Variants in RGS6 observed in about 807,000 individuals in gnomAD.
The protein encoded by RGS6 is regulator of G-protein signaling 6.
RGS6 carries 30 observed loss-of-function variants against 78.5 expected under a neutral mutation model. That is an observed-to-expected ratio of 0.38 (90% confidence interval 0.29 to 0.52). The LOEUF (loss-of-function observed/expected upper bound fraction) is 0.52, where lower values mean the gene tolerates loss of function less well. Ranked by LOEUF, RGS6 falls within the 20% of genes least tolerant of loss-of-function variation. RGS6 has a pLI of 0.85. For missense variants in RGS6, 495 were observed against 609.7 expected, an observed-to-expected ratio of 0.81 and a Z score of 1.98; for synonymous variants, 206 against 206.0, an observed-to-expected ratio of 1.00 and a Z score of 0.00.
At chr14:72,589,967 T>A in the RGS6 span, among the ~76,000 whole-genome samples, 2 of 151,864 alleles carry the variant, frequency 1.3e-5, no homozygotes, top group African/African-American at 2.4e-5. Flanking sequence ...ATAACCTAAT[T>A]AAAAAGTGGC....
intron 17 of RGS6, among the ~76,000 whole-genome samples, chr14:72,560,992 A>G (rs536064626): frequency 3.3e-5 from 5 of 152,280 alleles, no homozygotes; most frequent in African/African-American, 1.2e-4. Context: ...ACTCCCATCT[A>G]TAGCACCAGA....
chr14:72,487,957 G>T (rs1353293521), intron 12 of RGS6, among the ~76,000 whole-genome samples: 5 of 152,126 alleles, frequency 3.3e-5, no homozygotes, highest in African/African-American at 1.2e-4. Flanking sequence ...GCACCCCGCT[G>T]ACTAGGAGTG....
chr14:71,949,867 G>T (rs981117960), intron 1 of RGS6, among the ~76,000 whole-genome samples: 7 of 151,012 alleles, frequency 4.6e-5, no homozygotes. Context: ...TGTGATAAAG[G>T]CATCCGTATT....
chr14:72,399,291 C>T (rs1010390812), intron 3 of RGS6, among the ~76,000 whole-genome samples: 15 of 152,096 alleles, frequency 9.9e-5, no homozygotes, highest in African/African-American at 3.6e-4. Context: ...ATGTAATGGC[C>T]TTCTTTGTCT....
intron 2 of RGS6, among the ~76,000 whole-genome samples, chr14:72,117,680 G>A (rs1268329141): frequency 2.6e-5 from 4 of 152,342 alleles, no homozygotes; most frequent in Non-Finnish European, 4.4e-5. Context: ...TTGTGCATGG[G>A]TCATGGTGCA....
chr14:72,086,449 C>A (rs540653732), intron 2 of RGS6, among the ~76,000 whole-genome samples: 4 of 152,326 alleles, frequency 2.6e-5, no homozygotes, highest in African/African-American at 9.6e-5. Flanking sequence ...TTTTGTAATA[C>A]TATGCAACCT....
intron 2 of RGS6, among the ~76,000 whole-genome samples, chr14:71,970,191 C>T (rs1367983856): frequency 6.6e-6 from 1 of 152,154 alleles, no homozygotes; most frequent in African/African-American, 2.4e-5. Context: ...CAACACTGTA[C>T]ATTGCCAGTA....
chr14:72,178,109 G>C (rs1233910132), intron 2 of RGS6, among the ~76,000 whole-genome samples: 1 of 152,224 alleles, frequency 6.6e-6, no homozygotes, highest in African/African-American at 2.4e-5. Context: ...CTGAAAACCA[G>C]ATCTCAGGAT....
chr14:72,427,239 T>C (rs1183682598), intron 3 of RGS6, among the ~76,000 whole-genome samples: 2 of 152,272 alleles, frequency 1.3e-5, no homozygotes, highest in East Asian at 3.8e-4. Context: ...ATAACTTTTC[T>C]TACAGTATAT....
At chr14:72,499,434 T>C (rs1208235217) in intron 13 of RGS6, among the ~76,000 whole-genome samples, 2 of 152,160 alleles carry the variant, frequency 1.3e-5, no homozygotes, top group Non-Finnish European at 2.9e-5. Flanking sequence ...CTGCCTCCAC[T>C]TCCAATCCTG....
intron 2 of RGS6, among the ~76,000 whole-genome samples, chr14:71,976,329 T>A (rs942209001): frequency 5.3e-5 from 8 of 151,590 alleles, no homozygotes; most frequent in Non-Finnish European, 7.4e-5. Context: ...GTTACATATG[T>A]ATACATGTGC....
chr14:72,184,037 T>C (rs995539893), intron 2 of RGS6, among the ~76,000 whole-genome samples: 3 of 152,194 alleles, frequency 2.0e-5, no homozygotes, highest in Non-Finnish European at 4.4e-5. Flanking sequence ...TCTGTAATAT[T>C]GAATTCAAAG....
chr14:72,399,806 A>T (rs1296416297), intron 3 of RGS6, among the ~76,000 whole-genome samples: 1 of 152,224 alleles, frequency 6.6e-6, no homozygotes, highest in Admixed American at 6.5e-5. Context: ...GTTTGAAATG[A>T]ATGAAATGAA....
intron 3 of RGS6, among the ~76,000 whole-genome samples, chr14:72,384,981 A>T (rs540675440): frequency 2.0e-5 from 3 of 152,012 alleles, no homozygotes; most frequent in Admixed American, 6.6e-5. Context: ...CGAACTCCTG[A>T]CCTCCTGATC....
At chr14:72,610,778 A>G in the RGS6 span, among the ~76,000 whole-genome samples, 1 of 152,160 alleles carries the variant, frequency 6.6e-6, no homozygotes, top group Admixed American at 6.5e-5. Flanking sequence ...TTCATCCCTC[A>G]AGGAGCTGGG....
At chr14:72,053,109 CTT>C in intron 2 of RGS6, among the ~76,000 whole-genome samples, 1 of 100,298 alleles carries the variant, frequency 1.0e-5, no homozygotes, top group Non-Finnish European at 1.9e-5. Flanking sequence ...TCCTTCCTTC[CTT>C]CCTTCCTTCC....
chr14:72,615,630 C>T, the RGS6 span, among the ~76,000 whole-genome samples: 1 of 152,224 alleles, frequency 6.6e-6, no homozygotes, highest in Admixed American at 6.5e-5. Context: ...AGGCTCTTCC[C>T]TGGTTCCAGT....
At position 72,435,897 on chromosome 14, in the gene RGS6, T is replaced by G. The variant is rs80221799; in HGVS notation, c.185-18631T>G. On this transcript the variant is annotated intron_variant, in intron 3 of 17. Coordinates refer to ENST00000553525, the MANE Select transcript of RGS6 (RefSeq NM_001204424.2). ...TCCTTAATCACATCTGTAAAGTCCC[T>G]TTTGCCATGTAAGGTATCATATTCA... is the stretch of plus-strand genomic sequence containing the variant. 3.8e-3 allele frequency among the ~76,000 whole-genome samples: 586 copies of G among 152,238 alleles called. 2 individuals are homozygous for G. The highest frequency in any genetic ancestry group is 0.013 in the African/African-American group (553 of 41,536).
intron 2 of RGS6, among the ~76,000 whole-genome samples, chr14:72,230,836 C>G (rs2049375507): frequency 6.6e-6 from 1 of 152,118 alleles, no homozygotes; most frequent in Admixed American, 6.5e-5. Flanking sequence ...TAGCTGCTAA[C>G]CACATCAATC....
Sources: gnomAD v4.1 joint callset for allele counts (sites outside exome capture counted in the v4.1 genomes callset) on GRCh38, gnomAD v4.1.1 for gene constraint, MANE v1.5 for transcripts, NCBI Gene and HGNC (gene_info 2026-07-23, HGNC 2026-07-21) for gene names.